The following RORA variants were observed in gnomAD, a reference collection of about 807,000 sequenced individuals.
The protein encoded by RORA is nuclear receptor ROR-alpha.
RORA carries 7 observed loss-of-function variants against 69.5 expected under a neutral mutation model. The ratio of observed to expected loss-of-function variants is 0.10; its 90% CI spans 0.06 to 0.19. The LOEUF (loss-of-function observed/expected upper bound fraction) is 0.19. Among genes scored for constraint, RORA ranks in the 10% least tolerant of loss-of-function variants. The probability of loss-of-function intolerance (pLI) is 1.00; values close to 1 mark genes in which losing one functional copy is unlikely to be tolerated. For missense variants in RORA, 457 were observed against 663.0 expected (o/e 0.69, Z 3.41); for synonymous variants, 261 against 240.8 (o/e 1.08, Z -0.78).
chr15:61,070,244 G>T (rs1038099138), intron 1 of RORA, among the ~76,000 whole-genome samples: 3 of 152,120 alleles, frequency 2.0e-5, no homozygotes, highest in Admixed American at 2.0e-4. Context: ...TACTGGTATA[G>T]GAGCCTGTAA....
intron 1 of RORA, among the ~76,000 whole-genome samples, chr15:60,911,596 A>G (rs1187548573): frequency 6.6e-6 from 1 of 152,234 alleles, no homozygotes; most frequent in African/African-American, 2.4e-5. Context: ...GTGCAAATAT[A>G]TTAAAAAGCC....
chr15:61,118,023 C>G (rs981591238), intron 1 of RORA, among the ~76,000 whole-genome samples: 1 of 152,180 alleles, frequency 6.6e-6, no homozygotes, highest in Non-Finnish European at 1.5e-5. Context: ...AAGGCGTATT[C>G]GGTTTGACAC....
At position 60,573,944 on chromosome 15, in the gene RORA, T is replaced by C. The variant is rs1205606154; in HGVS notation, c.197-42093A>G. 2.0e-5 allele frequency among the ~76,000 whole-genome samples: 3 copies of C among 152,374 alleles called. No individual in the cohort carries two copies. In the East Asian group the frequency reaches 5.8e-4, roughly 29 times the overall value. On this transcript the variant is annotated intron_variant, in intron 2 of 10. Coordinates refer to ENST00000335670, the MANE Select transcript of RORA (RefSeq NM_134261.3). Reference sequence around the variant, plus strand: ...ATCTTTCTGGTTCCAGCACTTTTTATAGTGCCTGGCACACATCAGATGCTC... The same window carrying C: ...ATCTTTCTGGTTCCAGCACTTTTTACAGTGCCTGGCACACATCAGATGCTC...
chr15:60,552,312 T>C (rs941584648), intron 2 of RORA, among the ~76,000 whole-genome samples: 9 of 152,202 alleles, frequency 5.9e-5, no homozygotes, highest in Non-Finnish European at 1.2e-4. Context: ...TTTTTCTTAA[T>C]ATTTGTCCTA....
chr15:60,745,050 C>T (rs745853528), intron 1 of RORA, among the ~76,000 whole-genome samples: 12 of 152,210 alleles, frequency 7.9e-5, no homozygotes, highest in South Asian at 2.1e-4. Context: ...TCTCAATGGA[C>T]GGCTCTTTCT....
At chr15:60,809,180 T>TA (rs994184108) in intron 1 of RORA, among the ~76,000 whole-genome samples, 6 of 152,138 alleles carry the variant, frequency 3.9e-5, no homozygotes, top group African/African-American at 1.4e-4. Context: ...AAAAATAAAT[T>TA]AAAAAATGTA....
intron 1 of RORA, among the ~76,000 whole-genome samples, chr15:60,724,692 A>G (rs2071335379): frequency 1.3e-5 from 2 of 152,172 alleles, no homozygotes; most frequent in African/African-American, 4.8e-5. Context: ...GTGTCTCTGG[A>G]GGGCGAGCTC....
chr15:60,543,484 T>C (rs2066968075), intron 2 of RORA, among the ~76,000 whole-genome samples: 1 of 149,904 alleles, frequency 6.7e-6, no homozygotes, highest in Non-Finnish European at 1.5e-5. Flanking sequence ...CATCACTGTC[T>C]TTTTTTTTTC....
intron 2 of RORA, among the ~76,000 whole-genome samples, chr15:60,552,882 G>A (rs534273947): frequency 6.6e-6 from 1 of 152,264 alleles, no homozygotes; most frequent in African/African-American, 2.4e-5. Flanking sequence ...TCAGCACATG[G>A]ACCTCTCCAT....
chr15:60,607,451 G>A (rs2068975040), intron 2 of RORA, among the ~76,000 whole-genome samples: 1 of 152,290 alleles, frequency 6.6e-6, no homozygotes, highest in South Asian at 2.1e-4. Context: ...TGCCTTGAAT[G>A]TGACATGGTA....
chr15:60,666,492 T>C (rs1433716979), intron 2 of RORA, among the ~76,000 whole-genome samples: 1 of 151,512 alleles, frequency 6.6e-6, no homozygotes, highest in Non-Finnish European at 1.5e-5. Context: ...GCCAAAAAAA[T>C]TAAAGAATAT....
At chr15:60,696,519 A>C (rs1422449578) in intron 1 of RORA, among the ~76,000 whole-genome samples, 6 of 152,172 alleles carry the variant, frequency 3.9e-5, no homozygotes, top group Admixed American at 3.3e-4. Flanking sequence ...ATAGTTTTAA[A>C]GCCTTTCCAC....
At chr15:60,920,812 C>G (rs550664645) in intron 1 of RORA, among the ~76,000 whole-genome samples, 4 of 152,316 alleles carry the variant, frequency 2.6e-5, no homozygotes, top group African/African-American at 7.2e-5. Context: ...TCATGTTTCT[C>G]TCTGTGAGAT....
At chr15:61,102,362 C>T (rs1482654806) in intron 1 of RORA, among the ~76,000 whole-genome samples, 3 of 152,168 alleles carry the variant, frequency 2.0e-5, no homozygotes, top group South Asian at 2.1e-4. Flanking sequence ...GGCCTATAAA[C>T]ATCCCTCCCT....
At chr15:60,818,316 G>C (rs1037830417) in intron 1 of RORA, among the ~76,000 whole-genome samples, 3 of 152,114 alleles carry the variant, frequency 2.0e-5, no homozygotes, top group African/African-American at 7.2e-5. Flanking sequence ...TATTTTTCAG[G>C]AATTTTCCAC....
intron 1 of RORA, among the ~76,000 whole-genome samples, chr15:60,749,712 T>G (rs905662723): frequency 6.6e-6 from 1 of 152,102 alleles, no homozygotes; most frequent in Non-Finnish European, 1.5e-5. Context: ...TAAATCTAAA[T>G]AACAAAAACA....
chr15:60,963,221 G>T (rs1279865079), intron 1 of RORA, among the ~76,000 whole-genome samples: 1 of 152,220 alleles, frequency 6.6e-6, no homozygotes, highest in African/African-American at 2.4e-5. Context: ...AATAGCCAAT[G>T]GGTAAGATCA....
chr15:60,524,245 C>G (rs915277772), intron 3 of RORA, among the ~76,000 whole-genome samples: 1 of 152,144 alleles, frequency 6.6e-6, no homozygotes, highest in Admixed American at 6.5e-5. Context: ...ATTATACAAC[C>G]TTCCAATTGG....
intron 1 of RORA, among the ~76,000 whole-genome samples, chr15:61,150,985 G>T (rs2079392807): frequency 6.6e-6 from 1 of 152,218 alleles, no homozygotes; most frequent in Non-Finnish European, 1.5e-5. Context: ...CCAAGAAAGA[G>T]AATACAGGTA....
Sources: allele counts gnomAD v4.1 joint callset (sites outside exome capture counted in the v4.1 genomes callset), GRCh38; gene constraint gnomAD v4.1.1; transcripts MANE v1.5; gene names NCBI Gene and HGNC (gene_info 2026-07-23, HGNC 2026-07-21).